Variants in ZNF862 observed in about 807,000 individuals in gnomAD.
The protein encoded by ZNF862 is zinc finger protein 862.
A neutral mutation model predicts 91.1 loss-of-function variants in ZNF862; 64 were observed. That is an observed-to-expected ratio of 0.70 (90% CI 0.57 to 0.87). The LOEUF (loss-of-function observed/expected upper bound fraction) is 0.87. ZNF862 is among the 40% of genes least tolerant of loss of function. The pLI is 0.00. For synonymous variants in ZNF862, 631 were observed against 618.1 expected (o/e 1.02, Z -0.31); for missense variants, 1,459 against 1,528.0 (o/e 0.95, Z 0.75).
chr7:149,847,046 G>T (rs1801896147), intron 3 of ZNF862, among the ~76,000 whole-genome samples: 2 of 152,248 alleles, frequency 1.3e-5, no homozygotes, highest in Non-Finnish European at 2.9e-5. Flanking sequence ...TACATAAGAA[G>T]TGGTTCCACA....
At chr7:149,852,200 T>C (rs1050305459) in intron 5 of ZNF862, 1 of 151,944 alleles carries the variant, frequency 6.6e-6, no homozygotes, top group Admixed American at 6.6e-5. Flanking sequence ...TTGTTATTAT[T>C]ATTTTTACTT....
chr7:149,860,153 G>C (rs1363827263), intron 6 of ZNF862: 3 of 547,146 alleles, frequency 5.5e-6, no homozygotes, highest in African/African-American at 3.8e-5. Context: ...TTGGGGCGCT[G>C]GTGAAAGAAC....
Position 149,860,753 on chromosome 7 carries a change from G to A in ZNF862, c.1593G>A (p.Thr531=), listed in dbSNP as rs1030180357. Residue 531 remains threonine (T), a synonymous_variant, in exon 7 of 8, where the codon ACG becomes ACA. Transcript: ENST00000223210. ...VSKAHRLCVN[T]VEIKEDTPHT... ...AAGCGCACAGGCTCTGTGTCAACAC[G>A]GTTGAAATCAAGGAAGACACCCCTC... 3.1e-6 allele frequency: 5 copies of A among 1,613,838 alleles called. No homozygotes were observed. The highest frequency in any genetic ancestry group is 1.7e-5 in the Admixed American group (1 of 60,022).
At position 149,847,861 on chromosome 7, in the gene ZNF862, A is replaced by G. The variant is rs1333039187; in HGVS notation, c.368A>G (p.Glu123Gly). Residue 123 changes from glutamate (E) to glycine (G), a missense_variant, in exon 4 of 8, where the codon GAG becomes GGG. By Grantham distance (98) the Glu-to-Gly change is moderately conservative. Coordinates refer to ENST00000223210, the MANE Select transcript of ZNF862 (RefSeq NM_001099220.3). ...CTCAGTACAGGCAGTGGACACATCG[A>G]GGGAGACTGGGCCGGAAGAAACAGG... ...SHLSTGSGHI[E>G]GDWAGRNRKL... The G allele has an allele frequency of 6.2e-7, 1 of 1,613,064 alleles. No homozygotes were observed. The highest frequency in any genetic ancestry group is 2.2e-5 in the East Asian group (1 of 44,828).
At chr7:149,862,608 G>T (rs567706689) in intron 7 of ZNF862, 114 bp downstream of exon 7, 9 of 1,206,852 alleles carry the variant, frequency 7.5e-6, no homozygotes, top group Non-Finnish European at 1.0e-5. Flanking sequence ...CATTTGCTAG[G>T]CCAGTGGGTA....
At chr7:149,853,937 C>CAA (rs931414504) in intron 5 of ZNF862, among the ~76,000 whole-genome samples, 49 of 108,148 alleles carry the variant, frequency 4.5e-4, no homozygotes, top group East Asian at 1.1e-3. Flanking sequence ...GACTCCATCT[C>CAA]AAAAAAAAAA....
chr7:149,850,618 A>G lies in ZNF862; in HGVS notation c.1117+280A>G, dbSNP rs1164014297. The G allele has an allele frequency of 1.2e-5, 4 of 341,422 alleles. No individual in the cohort carries two copies. Among genetic ancestry groups the G allele is most frequent in the Admixed American group, 4.3e-5 (1 of 23,004 alleles). 21.1% of individuals were successfully genotyped at this position (341,422 alleles called of 1,614,324 possible). A position where few individuals can be genotyped will look rare whatever the true frequency, so the allele number is the denominator to read the frequency against. The stretch of plus-strand genomic sequence containing the variant: ...AGCTGATCCATGGTCTCTGCTTTCA[A>G]GGGCCTAGCACGTTTGTGGGAGAGA... On this transcript the variant is annotated intron_variant, in intron 5 of 7. Transcript: ENST00000223210. This position sits in a 1 kb window ranked among gnomAD's most constrained non-coding sequence, Gnocchi z 4.2.
intron 4 of ZNF862, among the ~76,000 whole-genome samples, chr7:149,848,765 A>G (rs1395606628): frequency 6.6e-6 from 1 of 152,230 alleles, no homozygotes; most frequent in African/African-American, 2.4e-5. Flanking sequence ...GAAATAGCCT[A>G]CAACCACAAA....
intron 5 of ZNF862, among the ~76,000 whole-genome samples, chr7:149,853,112 G>A (rs1004373383): frequency 2.0e-5 from 3 of 152,182 alleles, no homozygotes; most frequent in Non-Finnish European, 4.4e-5. Flanking sequence ...TGTTTGAGAT[G>A]GGGTCTCTCT....
In ZNF862 at chr7:149,865,391, G is replaced by C. The variant is rs984483179; in HGVS notation, c.*1107G>C. ...CACCAGGATCTCCAGGGCCCACTGA[G>C]ACATCCCCGAATGGGCGCTCAGTGA... On this transcript the variant is annotated 3_prime_UTR_variant, in exon 8 of 8. Coordinates refer to ENST00000223210, the MANE Select transcript of ZNF862 (RefSeq NM_001099220.3). The C allele has an allele frequency of 6.6e-6, 1 of 152,164 alleles. No homozygotes were observed. The highest frequency in any genetic ancestry group is 1.5e-5 in the Non-Finnish European group (1 of 68,064). The allele number at this position is 152,164 out of a possible 1,614,324, so 9.4% of individuals were successfully genotyped here.
rs185004423 is a variant in ZNF862 at position 149,848,712 on chromosome 7, A to G, written c.939+280A>G. Among the ~76,000 whole-genome samples the G allele has an allele frequency of 1.6e-4, 24 of 152,364 alleles. No individual in the cohort carries two copies. In the East Asian group the frequency reaches 3.9e-3, roughly 24 times the overall value. On this transcript the variant is annotated intron_variant, in intron 4 of 7. Coordinates refer to ENST00000223210, the MANE Select transcript of ZNF862 (RefSeq NM_001099220.3). ...CATTTCTACTTCTGGTATAAAGGAA[A>G]CAATCATCTTTATTCAGAATCCAAA...
chr7:149,845,046 C>A (rs1307581660), intron 2 of ZNF862: 2 of 318,682 alleles, frequency 6.3e-6, no homozygotes, highest in Non-Finnish European at 1.2e-5. Flanking sequence ...GAAACTAGGC[C>A]TGTGGATCTG....
chr7:149,840,513 C>T (rs1301265167), intron 1 of ZNF862, among the ~76,000 whole-genome samples: 1 of 152,160 alleles, frequency 6.6e-6, no homozygotes. Context: ...CAGAAGTGTT[C>T]AGTCATGTCC....
chr7:149,852,943 A>G (rs2128938688), intron 5 of ZNF862, among the ~76,000 whole-genome samples: 1 of 152,296 alleles, frequency 6.6e-6, no homozygotes. Flanking sequence ...ATGGAAAACA[A>G]CACTGAGTGG....
intron 6 of ZNF862, chr7:149,859,759 G>A (rs1802393567): frequency 6.0e-6 from 3 of 502,860 alleles, no homozygotes; most frequent in Non-Finnish European, 7.1e-6. Flanking sequence ...AAGTACTGAT[G>A]GAGGCTGTGG....
At chr7:149,862,645 G>A (rs962697778) in intron 7 of ZNF862, among the ~76,000 whole-genome samples, 151 bp downstream of exon 7, 2 of 152,226 alleles carry the variant, frequency 1.3e-5, no homozygotes, top group Non-Finnish European at 2.9e-5. Context: ...CACCCTCCAG[G>A]AGCTTGCACC....
In ZNF862 at chr7:149,865,833, C is replaced by A. The variant is rs1000847353; in HGVS notation, c.*1549C>A. The A allele has an allele frequency of 6.6e-6, 1 of 152,298 alleles. No homozygotes were observed. Among genetic ancestry groups the A allele is most frequent in the African/African-American group, 2.4e-5 (1 of 41,472 alleles). 9.4% of individuals were successfully genotyped at this position (152,298 alleles called of 1,614,324 possible). A position where few individuals can be genotyped will look rare whatever the true frequency, so the allele number is the denominator to read the frequency against. ...GGTGGGCCCTTTCTCCATAGTCTGC[C>A]GCTTCCCATTCCCAGGGTAGATGCT... On this transcript the variant is annotated 3_prime_UTR_variant, in exon 8 of 8. Transcript: ENST00000223210.
rs1463121708 is a variant in ZNF862, at chr7:149,848,193, C to G, written c.700C>G (p.Leu234Val). The change falls in exon 4 of 8, where the codon CTC (leucine) becomes GTC (valine). Residue 234 changes from leucine (L) to valine (V), a missense_variant. By Grantham distance (32) the Leu-to-Val change is conservative. Coordinates refer to ENST00000223210, the MANE Select transcript of ZNF862 (RefSeq NM_001099220.3). Reference protein sequence around the residue: ...PGDVLASPEPLFTADCPIFYP... With the variant: ...PGDVLASPEPVFTADCPIFYP... The stretch of plus-strand genomic sequence containing the variant: ...AGATGTTCTGGCCAGCCCGGAGCCG[C>G]TCTTCACTGCAGATTGCCCCATATT... 6.2e-7 allele frequency: 1 copy of G among 1,614,010 alleles called. No homozygotes were observed. The highest frequency in any genetic ancestry group is 1.7e-5 in the Admixed American group (1 of 60,032).
chr7:149,842,260 A>G (rs575167831), intron 1 of ZNF862, among the ~76,000 whole-genome samples: 3 of 152,270 alleles, frequency 2.0e-5, no homozygotes, highest in African/African-American at 7.2e-5. Flanking sequence ...AATGATATGA[A>G]TCTGGCTGGA....
Sources: allele counts gnomAD v4.1 joint callset (sites outside exome capture counted in the v4.1 genomes callset), GRCh38; gene constraint gnomAD v4.1.1; non-coding constraint Gnocchi (gnomAD v3.1); transcripts MANE v1.5; gene names NCBI Gene and HGNC (gene_info 2026-07-23, HGNC 2026-07-21).